The following ZNF543 variants were observed in gnomAD, a reference collection of about 807,000 sequenced individuals.
ZNF543 encodes the protein zinc finger protein 543.
ZNF543 carries 10 observed loss-of-function variants against 13.4 expected under a neutral mutation model. The ratio of observed to expected loss-of-function variants is 0.75; its 90% CI spans 0.46 to 1.26. ZNF543 has a LOEUF of 1.26. ZNF543 is among the 50% of genes most tolerant of loss of function. The pLI, the probability that ZNF543 is intolerant of heterozygous loss-of-function variation, is 0.00. For missense variants in ZNF543, 768 were observed against 741.2 expected, an observed-to-expected ratio of 1.04 and a Z score of -0.42; for synonymous variants, 272 against 264.7, an observed-to-expected ratio of 1.03 and a Z score of -0.27.
rs771826483 is a variant in ZNF543, at chr19:57,328,827, A to G, written c.1365A>G (p.Glu455=). The G allele has an allele frequency of 6.2e-7, 1 of 1,613,528 alleles. No homozygotes were observed. The highest frequency in any genetic ancestry group is 8.5e-7 in the Non-Finnish European group (1 of 1,179,902). The change falls in exon 4 of 4, where the codon GAA becomes GAG. Residue 455 remains glutamate, a synonymous_variant. Transcript: ENST00000321545. Reference sequence around the variant, plus strand: ...GAGAAAAACCCTATGAATGCAAAGAATGTGGAAAAGCCTTTAGTGATAGGG... The same window carrying G: ...GAGAAAAACCCTATGAATGCAAAGAGTGTGGAAAAGCCTTTAGTGATAGGG... ...HTGEKPYECK[E]CGKAFSDRAD...
At chr19:57,326,867 G>GCCCCCCCCCCCCC (rs869161724) in intron 3 of ZNF543, 139 bp downstream of exon 3, 2 of 84,786 alleles carry the variant, frequency 2.4e-5, no homozygotes, top group African/African-American at 3.3e-4. Context: ...CTCCCCGCCC[G>GCCCCCCCCCCCCC]CCCCCCCCCA....
rs781433719 is a variant in ZNF543 at position 57,328,973 on chromosome 19, A to G, written c.1511A>G (p.Glu504Gly). The stretch of plus-strand genomic sequence containing the variant: ...AGGCACCAACAGATTCACACTGGAG[A>G]GAAACCCTATGAATGCATCCAGTGT... ...LTRHQQIHTGEKPYECIQCGK... is the reference protein window; with the variant it reads ...LTRHQQIHTGGKPYECIQCGK... The change falls in exon 4 of 4, where the codon GAG (glutamate) becomes GGG (glycine). Residue 504 changes from glutamate to glycine, a missense_variant. By Grantham distance (98) the Glu-to-Gly change is moderately conservative. Around this residue, in one of 3 missense-constraint regions of ZNF543, gnomAD observed 677 missense variants for 631.4 expected, o/e 1.07. Coordinates refer to ENST00000321545, the MANE Select transcript of ZNF543 (RefSeq NM_213598.4). The G allele has an allele frequency of 1.2e-5, 19 of 1,614,200 alleles. No homozygotes were observed. The highest frequency in any genetic ancestry group is 1.5e-5 in the Non-Finnish European group (18 of 1,180,032).
chr19:57,325,350 C>T (rs1212058641), intron 2 of ZNF543, among the ~76,000 whole-genome samples: 1 of 152,300 alleles, frequency 6.6e-6, no homozygotes, highest in Non-Finnish European at 1.5e-5. Flanking sequence ...TTTGTGGGTC[C>T]TACTGCCTGT....
chr19:57,326,767 C>T (rs374321901), intron 3 of ZNF543, 39 bp downstream of exon 3: 8 of 1,534,984 alleles, frequency 5.2e-6, no homozygotes, highest in Non-Finnish European at 7.2e-6. Flanking sequence ...GTCATGGCAG[C>T]TTACACATGG....
In ZNF543 at chr19:57,329,098, C is replaced by T. The variant is rs201449120; in HGVS notation, c.1636C>T (p.Arg546Cys). 6.8e-6 allele frequency: 11 copies of T among 1,614,064 alleles called. No individual in the cohort carries two copies. The East Asian group carries it at 1.6e-4, about 23-fold the overall frequency. ...CAGTGAGTGTGGAAAGGCTTTTAAT[C>T]GCGGCTCATCCCTCACACATCATCA... ...ECSECGKAFN[R>C]GSSLTHHQRI... Residue 546 changes from arginine to cysteine, a missense_variant, in exon 4 of 4, where the codon CGC becomes TGC. Arg to Cys is a radical substitution (Grantham distance 180, BLOSUM62 -3). This residue lies in a region of ZNF543 where 677 missense variants were observed against 631.4 expected (regional missense o/e 1.07). Coordinates refer to ENST00000321545, the MANE Select transcript of ZNF543 (RefSeq NM_213598.4).
intron 2 of ZNF543, 64 bp downstream of exon 2, chr19:57,323,872 T>A: frequency 6.4e-7 from 1 of 1,572,232 alleles, no homozygotes; most frequent in Non-Finnish European, 8.7e-7. Flanking sequence ...TTCCCCTCTC[T>A]CCTCCACAGC....
intron 1 of ZNF543, among the ~76,000 whole-genome samples, chr19:57,323,308 C>T (rs959572316): frequency 2.0e-5 from 3 of 151,968 alleles, no homozygotes; most frequent in African/African-American, 7.3e-5. Flanking sequence ...TCTCCTGCCT[C>T]AGCCTCCCGA....
rs1232853312 is a variant in ZNF543 at position 57,320,502 on chromosome 19, TGGCCCTGGAACAGTGTG to T, written c.-349_-333del. On this transcript the variant is annotated 5_prime_UTR_variant, in exon 1 of 4. Transcript: ENST00000321545. ...GTGACGTCATCTCCGTGAGCAGGAT[TGGCCCTGGAACAGTGTG>T]GGGCCTGGACCGCTGGGTAGGCGCG... 1 of 230,030 alleles carries T rather than the reference TGGCCCTGGAACAGTGTG, an allele frequency of 4.3e-6. No individual in the cohort carries two copies. Among genetic ancestry groups the T allele is most frequent in the Non-Finnish European group, 8.6e-6 (1 of 116,908 alleles). The allele number at this position is 230,030 out of a possible 1,614,324, so 14.2% of individuals were successfully genotyped here. A position where few individuals can be genotyped will look rare whatever the true frequency, so the allele number is the denominator to read the frequency against.
intron 1 of ZNF543, among the ~76,000 whole-genome samples, chr19:57,321,857 G>A (rs2088091778): frequency 6.6e-6 from 1 of 152,162 alleles, no homozygotes; most frequent in Admixed American, 6.5e-5. Flanking sequence ...TGGACATGAG[G>A]AGTCATGGCA....
rs1274024894 is a variant in ZNF543 at position 57,328,715 on chromosome 19, C to G, written c.1253C>G (p.Thr418Ser). The G allele has an allele frequency of 5.6e-6, 9 of 1,613,096 alleles. No individual in the cohort carries two copies. The highest frequency in any genetic ancestry group is 7.6e-6 in the Non-Finnish European group (9 of 1,179,794). Residue 418 changes from threonine to serine, a missense_variant, in exon 4 of 4, where the codon ACT becomes AGT. Coordinates refer to ENST00000321545, the MANE Select transcript of ZNF543 (RefSeq NM_213598.4). ...CTCAAGCAGCATCAACGGATTCACA[C>G]TGGGGAGAAGCCTTATGAATGCAGT... is the stretch of plus-strand genomic sequence containing the variant. ...SHLKQHQRIHTGEKPYECSEC... is the reference protein window; with the variant it reads ...SHLKQHQRIHSGEKPYECSEC...
chr19:57,328,263 G>T lies in ZNF543; in HGVS notation c.801G>T (p.Arg267Ser), dbSNP rs1284484350. ...CMECGKAFNRRSHLTRHQRIH... is the reference protein window; with the variant it reads ...CMECGKAFNRSSHLTRHQRIH... ...AGTGTGGGAAGGCTTTTAACCGCAG[G>T]TCACACCTCACACGGCACCAGCGGA... Residue 267 changes from arginine to serine, a missense_variant, in exon 4 of 4, where the codon AGG becomes AGT. Coordinates refer to ENST00000321545, the MANE Select transcript of ZNF543 (RefSeq NM_213598.4). 1 of 1,613,502 alleles carries T rather than the reference G, an allele frequency of 6.2e-7. No individual in the cohort carries two copies. Among genetic ancestry groups the T allele is most frequent in the Admixed American group, 1.7e-5 (1 of 59,922 alleles).
In ZNF543 at chr19:57,329,548, T is replaced by A. The variant is rs2088149774; in HGVS notation, c.*283T>A. ...TTTTTTTTGAGACGGAGTCTCGCTC[T>A]GTCGCCCAGGCTGGAGTGCAGTGGC... On this transcript the variant is annotated 3_prime_UTR_variant, in exon 4 of 4. Coordinates refer to ENST00000321545, the MANE Select transcript of ZNF543 (RefSeq NM_213598.4). The A allele has an allele frequency of 3.7e-6, 1 of 267,662 alleles. No individual in the cohort carries two copies. Among genetic ancestry groups the A allele is most frequent in the Non-Finnish European group, 7.1e-6 (1 of 141,178 alleles). The allele number at this position is 267,662 out of a possible 1,614,324, so 16.6% of individuals were successfully genotyped here.
At chr19:57,320,944 G>A (rs1600049351) in intron 1 of ZNF543, 73 bp downstream of exon 1, 2 of 1,594,928 alleles carry the variant, frequency 1.3e-6, no homozygotes, top group East Asian at 4.5e-5. Flanking sequence ...CAGAAGCCAA[G>A]ACAGCCACAG....
In ZNF543 at chr19:57,320,870, A is replaced by AGGTGAGT. The variant is rs1334190185; in HGVS notation, c.18+2_18+8dup. 1.2e-6 allele frequency: 2 copies of AGGTGAGT among 1,613,892 alleles called. No individual in the cohort carries two copies. The highest frequency in any genetic ancestry group is 1.7e-6 in the Non-Finnish European group (2 of 1,179,980). Reference sequence around the variant, plus strand: ...GGTCTCAGGATGGCAGCCTCGGCGCAGGTGAGTGGACGAGGTTTTGGCCTT... The same window carrying AGGTGAGT: ...GGTCTCAGGATGGCAGCCTCGGCGCAGGTGAGTGGTGAGTGGACGAGGTTTTGGCCTT... On this transcript the variant is annotated frameshift_variant and splice_region_variant, in exon 1 of 4. Transcript: ENST00000321545. LOFTEE classifies it high-confidence loss of function.
chr19:57,322,759 A>G (rs1288543129), intron 1 of ZNF543, among the ~76,000 whole-genome samples: 1 of 152,122 alleles, frequency 6.6e-6, no homozygotes, highest in African/African-American at 2.4e-5. Flanking sequence ...CCTTTGCCCC[A>G]GTGTTTCCTT....
chr19:57,320,795 G>C lies in ZNF543; in HGVS notation c.-59G>C, dbSNP rs1269718463. ...GTCGCCCCGCCCAGGACAGAGAAGG[G>C]CTGGGGGTCGGCTGAGCCGCGGCAT... On this transcript the variant is annotated 5_prime_UTR_variant, in exon 1 of 4. Transcript: ENST00000321545. 2 of 1,610,794 alleles carry C rather than the reference G, an allele frequency of 1.2e-6. No homozygotes were observed. The highest frequency in any genetic ancestry group is 4.5e-5 in the East Asian group (2 of 44,790).
chr19:57,327,194 A>G (rs2088126831), intron 3 of ZNF543, among the ~76,000 whole-genome samples: 2 of 151,782 alleles, frequency 1.3e-5, no homozygotes, highest in South Asian at 2.1e-4. Flanking sequence ...TAGGTCCCAG[A>G]TGTATATATT....
chr19:57,323,397 T>C (rs1190128619), intron 1 of ZNF543, among the ~76,000 whole-genome samples: 1 of 152,048 alleles, frequency 6.6e-6, no homozygotes, highest in East Asian at 1.9e-4. Context: ...TTTCACCATG[T>C]TAGCCAGGAT....
In ZNF543 at chr19:57,322,979, T is replaced by G. The variant is rs138708274; in HGVS notation, c.19-703T>G. Among the ~76,000 whole-genome samples the G allele has an allele frequency of 2.0e-3, 306 of 152,180 alleles. 1 individual carries two copies. The highest frequency in any genetic ancestry group is 7.1e-3 in the African/African-American group (295 of 41,514). ...CACTTTACCATGGCATGTAAAGCCA[T>G]TAGCATGAGGCAGGCTCACAGGGAG... On this transcript the variant is annotated intron_variant, in intron 1 of 3. Coordinates refer to ENST00000321545, the MANE Select transcript of ZNF543 (RefSeq NM_213598.4).
Sources: allele counts gnomAD v4.1 joint callset (sites outside exome capture counted in the v4.1 genomes callset), GRCh38; gene constraint gnomAD v4.1.1; regional missense constraint gnomAD v4.1.1; transcripts MANE v1.5; gene names NCBI Gene and HGNC (gene_info 2026-07-23, HGNC 2026-07-21).